OVCH2: variants seen among roughly 807,000 people sequenced by gnomAD.
OVCH2 encodes ovochymase 2, also known as ovochymase-2.
In OVCH2, 88 loss-of-function variants were observed where a neutral mutation model predicts 73.7. The ratio of observed to expected loss-of-function variants is 1.19; its 90% CI spans 1.01 to 1.43. The LOEUF (loss-of-function observed/expected upper bound fraction) is 1.43, where lower values mean the gene tolerates loss of function less well. Among genes scored for constraint, OVCH2 ranks in the 40% most tolerant of loss-of-function variants. The pLI is 0.00. For synonymous variants in OVCH2, 265 were observed against 234.5 expected (o/e 1.13, Z -1.19); for missense variants, 706 against 674.5 (o/e 1.05, Z -0.52).
intron 12 of OVCH2, among the ~76,000 whole-genome samples, chr11:7,694,636 TTTGA>T (rs1427142601): frequency 7.0e-6 from 1 of 143,316 alleles, no homozygotes; most frequent in Non-Finnish European, 1.6e-5. Context: ...TGTTTTGTGT[TTTGA>T]GAGTTTCGCT....
At chr11:7,679,511 A>C in the OVCH2 span, among the ~76,000 whole-genome samples, 2 of 152,110 alleles carry the variant, frequency 1.3e-5, no homozygotes, top group African/African-American at 4.8e-5. Context: ...GTGAGTTCTC[A>C]CCAGATCTGA....
chr11:7,684,509 T>A (rs1481983896), downstream of OVCH2, among the ~76,000 whole-genome samples: 2 of 17,820 alleles, frequency 1.1e-4, no homozygotes, highest in Non-Finnish European at 2.3e-4. Flanking sequence ...CATACATATG[T>A]GTGTGTGTGT....
Position 7,698,742 on chromosome 11 carries a change from A to T in OVCH2, c.925+8T>A. ...CTCCTGATGGAGCAGCCTGCAAGGG[A>T]TACCCACCTCTGGAGCTCTTTCTCC... On this transcript the variant is annotated splice_region_variant and intron_variant, in intron 8 of 15. Coordinates refer to ENST00000533663, the MANE Select transcript of OVCH2 (RefSeq NM_198185.7). 2 of 1,612,134 alleles carry T rather than the reference A, an allele frequency of 1.2e-6. No homozygotes were observed. The highest frequency in any genetic ancestry group is 1.7e-6 in the Non-Finnish European group (2 of 1,179,190).
downstream of OVCH2, among the ~76,000 whole-genome samples, chr11:7,687,949 T>A (rs1201927509): frequency 2.0e-5 from 3 of 151,902 alleles, no homozygotes; most frequent in Non-Finnish European, 4.4e-5. Context: ...AAGGTACTAA[T>A]CCCATCGATG....
At chr11:7,695,322 G>C (rs1856308568) in intron 11 of OVCH2, 134 bp from the exon 12 acceptor site, 9 of 1,124,618 alleles carry the variant, frequency 8.0e-6, no homozygotes, top group Non-Finnish European at 9.9e-6. Context: ...AAAAGACGTA[G>C]TGCATGATTC....
the OVCH2 span, among the ~76,000 whole-genome samples, chr11:7,683,388 CA>C: frequency 6.6e-6 from 1 of 152,140 alleles, no homozygotes; most frequent in Admixed American, 6.5e-5. Flanking sequence ...TCCAATATAT[CA>C]GGGGATCCTG....
In OVCH2 at chr11:7,693,153, A is replaced by G. The variant is rs371309598; in HGVS notation, c.1414-1158T>C. ...GAGTGGTGGGAGAGAGGGCTGATGA[A>G]ATAGGAACTCTAATTTTAACACACA... On this transcript the variant is annotated intron_variant, in intron 12 of 15. Transcript: ENST00000533663. Among the ~76,000 whole-genome samples, 19 of 152,216 alleles carry G rather than the reference A, an allele frequency of 1.2e-4. No homozygotes were observed. The East Asian group carries it at 1.3e-3, about 11-fold the overall frequency.
At chr11:7,691,864 C>T (rs984144796) in intron 13 of OVCH2, 38 bp downstream of exon 13, 7 of 1,504,482 alleles carry the variant, frequency 4.7e-6, no homozygotes, top group East Asian at 2.4e-5. Context: ...TGGGTCCAAA[C>T]ACAAACCAGA....
At chr11:7,685,280 G>A (rs1365800425), downstream of OVCH2, among the ~76,000 whole-genome samples, 3 of 152,156 alleles carry the variant, frequency 2.0e-5, no homozygotes, top group Non-Finnish European at 4.4e-5. Context: ...GAGCAGACTT[G>A]TACCGAACTA....
At chr11:7,698,603 G>C (rs1401403124) in intron 8 of OVCH2, 147 bp downstream of exon 8, 1 of 696,924 alleles carries the variant, frequency 1.4e-6, no homozygotes, top group Non-Finnish European at 2.3e-6. Flanking sequence ...CTTCTGCTGG[G>C]CATAATGGCT....
At chr11:7,679,339 G>C in the OVCH2 span, among the ~76,000 whole-genome samples, 2 of 152,192 alleles carry the variant, frequency 1.3e-5, no homozygotes, top group Non-Finnish European at 2.9e-5. Flanking sequence ...ATGGGTGCTG[G>C]TTGCCAAGGA....
At position 7,704,670 on chromosome 11, in the gene OVCH2, G is replaced by T. The variant is rs767533109; in HGVS notation, c.93C>A (p.Pro31=). 1.2e-6 allele frequency: 2 copies of T among 1,605,562 alleles called. No homozygotes were observed. Among genetic ancestry groups the T allele is most frequent in the Non-Finnish European group, 1.7e-6 (2 of 1,174,906 alleles). Residue 31 remains proline, a synonymous_variant, in exon 2 of 16, where the codon CCC becomes CCA. Transcript: ENST00000533663. ...CCTTAACCAGACTCTGCCCACAACT[G>T]GGAGCTGAGAAAAAAACGAGACAAA... is the stretch of plus-strand genomic sequence containing the variant. The part of the protein sequence containing the change: ...KSATLSLPKA[P]SCGQSLVKVQ...
At chr11:7,706,179 A>T in intron 1 of OVCH2, 128 bp downstream of exon 1, 1 of 992,958 alleles carries the variant, frequency 1.0e-6, no homozygotes, top group Non-Finnish European at 1.5e-6. Context: ...TTGTTTAAAA[A>T]CAATTAGATA....
the OVCH2 span, among the ~76,000 whole-genome samples, chr11:7,681,410 C>T: frequency 6.6e-6 from 1 of 152,226 alleles, no homozygotes; most frequent in South Asian, 2.1e-4. Context: ...CTTGTGCACT[C>T]CTGGCAACGT....
At chr11:7,694,330 C>T (rs935468027) in intron 12 of OVCH2, among the ~76,000 whole-genome samples, 5 of 152,090 alleles carry the variant, frequency 3.3e-5, no homozygotes, top group African/African-American at 4.8e-5. Flanking sequence ...AACTCCATTT[C>T]CAGGCGTTCA....
the OVCH2 span, among the ~76,000 whole-genome samples, chr11:7,679,428 T>C: frequency 6.6e-6 from 1 of 152,296 alleles, no homozygotes; most frequent in African/African-American, 2.4e-5. Flanking sequence ...ATAATCCCCA[T>C]GTGTAGAGGG....
chr11:7,698,684 C>A, intron 8 of OVCH2, 66 bp downstream of exon 8: 1 of 1,537,432 alleles, frequency 6.5e-7, no homozygotes, highest in South Asian at 1.2e-5. Context: ...ACTTCAGGAA[C>A]TGATATTCAG....
chr11:7,702,254 G>C lies in OVCH2; in HGVS notation c.366C>G (p.Leu122=). The C allele has an allele frequency of 6.2e-7, 1 of 1,612,712 alleles. No individual in the cohort carries two copies. Among genetic ancestry groups the C allele is most frequent in the Non-Finnish European group, 8.5e-7 (1 of 1,179,180 alleles). ...LSQTDPGEQT[L]TIETVIIHPH... Reference sequence around the variant, plus strand: ...GATGTATGATGACAGTTTCAATAGTGAGAGTTTGCTCTCCTGGGTCTGTCT... The same window carrying C: ...GATGTATGATGACAGTTTCAATAGTCAGAGTTTGCTCTCCTGGGTCTGTCT... The change falls in exon 4 of 16, where the codon CTC becomes CTG. Residue 122 remains leucine (L), a synonymous_variant. Coordinates refer to ENST00000533663, the MANE Select transcript of OVCH2 (RefSeq NM_198185.7).
chr11:7,688,990 G>C (rs1856172590), downstream of OVCH2, among the ~76,000 whole-genome samples: 1 of 152,180 alleles, frequency 6.6e-6, no homozygotes, highest in Non-Finnish European at 1.5e-5. Flanking sequence ...TTCCAGTGTT[G>C]CTTTGAGCAA....
Sources: gnomAD v4.1 joint callset for allele counts (sites outside exome capture counted in the v4.1 genomes callset) on GRCh38, gnomAD v4.1.1 for gene constraint, MANE v1.5 for transcripts, NCBI Gene and HGNC (gene_info 2026-07-23, HGNC 2026-07-21) for gene names.